The following TPD52L1 variants were observed in gnomAD, a reference collection of about 807,000 sequenced individuals.
The protein encoded by TPD52L1 is TPD52 like 1.
A neutral mutation model predicts 28.7 loss-of-function variants in TPD52L1; 18 were observed. The observed-to-expected ratio is 0.63, with a 90% confidence interval of 0.43 to 0.93. TPD52L1 has a LOEUF of 0.93. Among genes scored for constraint, TPD52L1 ranks in the 40% least tolerant of loss-of-function variants. The pLI is 0.00. For missense variants in TPD52L1, 203 were observed against 254.8 expected, an observed-to-expected ratio of 0.80 and a Z score of 1.39; for synonymous variants, 75 against 88.8, an observed-to-expected ratio of 0.84 and a Z score of 0.88.
At chr6:125,208,222 C>T (rs2114922195) in intron 1 of TPD52L1, among the ~76,000 whole-genome samples, 1 of 152,276 alleles carries the variant, frequency 6.6e-6, no homozygotes, top group Middle Eastern at 3.4e-3. Context: ...TAACTTCTCT[C>T]AAGGCCAAGA....
intron 1 of TPD52L1, among the ~76,000 whole-genome samples, chr6:125,211,261 G>GTCTGTCTGTCTA (rs1554209656): frequency 6.7e-6 from 1 of 148,852 alleles, no homozygotes; most frequent in African/African-American, 2.5e-5. Flanking sequence ...ATATGGATCT[G>GTCTGTCTGTCTA]TCTATCTATC....
At chr6:125,190,407 C>T (rs1792954298) in intron 1 of TPD52L1, among the ~76,000 whole-genome samples, 1 of 152,050 alleles carries the variant, frequency 6.6e-6, no homozygotes, top group Non-Finnish European at 1.5e-5. Flanking sequence ...AGACTCAGAG[C>T]CATGAAGACT....
chr6:125,172,853 G>C (rs1254893565), intron 1 of TPD52L1, among the ~76,000 whole-genome samples: 2 of 151,422 alleles, frequency 1.3e-5, no homozygotes, highest in African/African-American at 2.4e-5. Context: ...AAGTCTACTG[G>C]CTCCTGGTAA....
intron 3 of TPD52L1, among the ~76,000 whole-genome samples, chr6:125,230,227 A>G (rs1231717552): frequency 2.0e-5 from 3 of 152,136 alleles, no homozygotes; most frequent in Non-Finnish European, 2.9e-5. Flanking sequence ...ATATTTAATG[A>G]TGATGGTACT....
intron 5 of TPD52L1, among the ~76,000 whole-genome samples, chr6:125,255,326 T>C (rs1797531578): frequency 6.6e-6 from 1 of 152,246 alleles, no homozygotes; most frequent in South Asian, 2.1e-4. Context: ...CAGGCAGTCA[T>C]GTGTGCAGGC....
intron 2 of TPD52L1, among the ~76,000 whole-genome samples, chr6:125,222,580 C>T (rs932342562): frequency 2.6e-5 from 4 of 152,164 alleles, no homozygotes; most frequent in Non-Finnish European, 5.9e-5. Flanking sequence ...CTACTTTCCT[C>T]GTCTCTTCTG....
chr6:125,164,058 G>A (rs1268319388), intron 1 of TPD52L1, among the ~76,000 whole-genome samples: 1 of 152,222 alleles, frequency 6.6e-6, no homozygotes, highest in African/African-American at 2.4e-5. Context: ...CAACTTGGAA[G>A]TGTTGGAGTT....
At chr6:125,258,351 T>C (rs1398852306) in intron 6 of TPD52L1, among the ~76,000 whole-genome samples, 1 of 152,150 alleles carries the variant, frequency 6.6e-6, no homozygotes, top group South Asian at 2.1e-4. Context: ...CAGGAACCAA[T>C]GGGAGCCGTT....
At chr6:125,202,243 A>AT (rs1158320863) in intron 1 of TPD52L1, among the ~76,000 whole-genome samples, 1 of 152,210 alleles carries the variant, frequency 6.6e-6, no homozygotes, top group Non-Finnish European at 1.5e-5. Flanking sequence ...TGAAAAAAAA[A>AT]GCTACATTTT....
chr6:125,162,856 T>C lies in TPD52L1; in HGVS notation c.19+8886T>C, dbSNP rs902770391. 3.9e-5 allele frequency among the ~76,000 whole-genome samples: 6 copies of C among 152,256 alleles called. No individual in the cohort carries two copies. In the South Asian group the frequency reaches 1.0e-3, roughly 26 times the overall value. On this transcript the variant is annotated intron_variant, in intron 1 of 6. Coordinates refer to ENST00000534000, the MANE Select transcript of TPD52L1 (RefSeq NM_003287.4). ...TTTTATTAGCATATGCTGAAAACTT[T>C]GCATCCATTATTTTATCAAAACCTT...
At chr6:125,197,556 A>G (rs760340821) in intron 1 of TPD52L1, among the ~76,000 whole-genome samples, 4 of 152,204 alleles carry the variant, frequency 2.6e-5, no homozygotes, top group African/African-American at 9.6e-5. Flanking sequence ...CCAAAAGAAC[A>G]GACTCTTTTG....
chr6:125,241,896 T>C (rs976729395), intron 3 of TPD52L1, among the ~76,000 whole-genome samples: 1 of 152,010 alleles, frequency 6.6e-6, no homozygotes. Flanking sequence ...TTTCTCTAGT[T>C]CCTTGAGATG....
chr6:125,201,125 C>A (rs6917198), intron 1 of TPD52L1, among the ~76,000 whole-genome samples: 44,995 of 151,904 alleles, frequency 0.3, 6,809 homozygotes, highest in Admixed American at 0.4. Context: ...AAGCAAGGTA[C>A]CAAAGAGGAA....
At position 125,257,779 on chromosome 6, in the gene TPD52L1, G is replaced by A. The variant is rs141006130; in HGVS notation, c.486+621G>A. On this transcript the variant is annotated intron_variant, in intron 6 of 6. Coordinates refer to ENST00000534000, the MANE Select transcript of TPD52L1 (RefSeq NM_003287.4). ...TCACTGGAATTATTGTTCTAGCATA[G>A]GTAAGTTTGAATAAAAAGAGTAAAA... Among the ~76,000 whole-genome samples the A allele has an allele frequency of 4.7e-4, 71 of 152,196 alleles. 1 individual carries two copies. In the East Asian group the frequency reaches 6.4e-3, roughly 14 times the overall value.
At chr6:125,172,157 T>TTTCTTTCTTTCC (rs1554202455) in intron 1 of TPD52L1, among the ~76,000 whole-genome samples, 1 of 54,010 alleles carries the variant, frequency 1.9e-5, no homozygotes, top group African/African-American at 8.6e-5. Flanking sequence ...TCTTTCTTTC[T>TTTCTTTCTTTCC]TTTCTTTCTT....
At chr6:125,259,595 A>G (rs1008922232) in intron 6 of TPD52L1, among the ~76,000 whole-genome samples, 6 of 152,174 alleles carry the variant, frequency 3.9e-5, no homozygotes, top group Non-Finnish European at 8.8e-5. Context: ...CCATCTCCCA[A>G]TGAGTCATGA....
At chr6:125,172,680 C>T in intron 1 of TPD52L1, among the ~76,000 whole-genome samples, 1 of 134,314 alleles carries the variant, frequency 7.4e-6, no homozygotes. Context: ...TATTTATTTT[C>T]TTCATTGTCT....
rs374673277 is a variant in TPD52L1 at position 125,180,569 on chromosome 6, T to TACACACAC, written c.19+26618_19+26625dup. Among the ~76,000 whole-genome samples, 10 of 150,264 alleles carry TACACACAC rather than the reference T, an allele frequency of 6.7e-5. No individual in the cohort carries two copies. In the East Asian group the frequency reaches 1.6e-3, roughly 24 times the overall value. ...TACACACACACACATATATTATATA[T>TACACACAC]ACACACACACACACACACACACACA... On this transcript the variant is annotated intron_variant, in intron 1 of 6. Coordinates refer to ENST00000534000, the MANE Select transcript of TPD52L1 (RefSeq NM_003287.4).
At chr6:125,201,193 T>G (rs1157360306) in intron 1 of TPD52L1, among the ~76,000 whole-genome samples, 1 of 152,186 alleles carries the variant, frequency 6.6e-6, no homozygotes, top group Non-Finnish European at 1.5e-5. Flanking sequence ...GGACATTTAA[T>G]TATCTCTAGC....
Sources: allele counts gnomAD v4.1 joint callset (sites outside exome capture counted in the v4.1 genomes callset), GRCh38; gene constraint gnomAD v4.1.1; transcripts MANE v1.5; gene names NCBI Gene and HGNC (gene_info 2026-07-23, HGNC 2026-07-21).